GRM5: variants seen among roughly 807,000 people sequenced by gnomAD.
The protein encoded by GRM5 is metabotropic glutamate receptor 5.
GRM5 carries 19 observed loss-of-function variants against 83.1 expected under a neutral mutation model. The ratio of observed to expected loss-of-function variants is 0.23; its 90% CI spans 0.16 to 0.34. The LOEUF (loss-of-function observed/expected upper bound fraction) is 0.34. Among genes scored for constraint, GRM5 ranks in the 10% least tolerant of loss-of-function variants. The probability of loss-of-function intolerance (pLI) is 1.00; values close to 1 mark genes in which losing one functional copy is unlikely to be tolerated. For missense variants in GRM5, 1,160 were observed against 1,588.3 expected, an observed-to-expected ratio of 0.73 and a Z score of 4.58; for synonymous variants, 675 against 633.6, an observed-to-expected ratio of 1.07 and a Z score of -0.98.
chr11:88,580,050 G>A (rs939783195), intron 7 of GRM5, among the ~76,000 whole-genome samples: 5 of 152,196 alleles, frequency 3.3e-5, no homozygotes, highest in South Asian at 2.1e-4. Flanking sequence ...TGTGCAAGAC[G>A]TCAGTAGATT....
At chr11:88,751,072 C>CAAAAAAA (rs774458890) in intron 3 of GRM5, among the ~76,000 whole-genome samples, 13 of 47,344 alleles carry the variant, frequency 2.7e-4, no homozygotes, top group African/African-American at 9.2e-4. Flanking sequence ...TAGCAGAAGC[C>CAAAAAAA]AAAAAAAAAA....
chr11:88,842,530 A>G lies in GRM5; in HGVS notation c.911+7376T>C, dbSNP rs184033333. On this transcript the variant is annotated intron_variant, in intron 3 of 9. Transcript: ENST00000305447. ...CAATTCTCTCCACCTCAATAAATCCAAATGGCCATTTCAGTGTTATTTTCA... is the reference window on the plus strand; with the variant it reads ...CAATTCTCTCCACCTCAATAAATCCGAATGGCCATTTCAGTGTTATTTTCA... Among the ~76,000 whole-genome samples the G allele has an allele frequency of 1.3e-3, 196 of 152,264 alleles. 1 individual carries two copies. The highest frequency in any genetic ancestry group is 4.5e-3 in the African/African-American group (189 of 41,552).
At chr11:88,660,192 T>G (rs1273105853) in intron 3 of GRM5, among the ~76,000 whole-genome samples, 3 of 152,212 alleles carry the variant, frequency 2.0e-5, no homozygotes, top group African/African-American at 7.2e-5. Context: ...TTCCCTTTCC[T>G]TTTTACTCAA....
intron 2 of GRM5, among the ~76,000 whole-genome samples, chr11:88,867,106 T>C (rs117002968): frequency 0.018 from 2,773 of 152,246 alleles, 44 homozygotes; most frequent in East Asian, 0.068. Context: ...TTGGTTACTG[T>C]AGCCTTGTCG....
intron 2 of GRM5, among the ~76,000 whole-genome samples, chr11:88,887,490 C>G (rs1945063088): frequency 6.6e-6 from 1 of 152,036 alleles, no homozygotes; most frequent in Non-Finnish European, 1.5e-5. Flanking sequence ...AGGCAGAGGA[C>G]AGAGGACTAG....
At chr11:89,063,074 C>G (rs1338853230) in intron 1 of GRM5, among the ~76,000 whole-genome samples, 1 of 152,248 alleles carries the variant, frequency 6.6e-6, no homozygotes, top group Non-Finnish European at 1.5e-5. Flanking sequence ...CGAAGCGGCC[C>G]CTAACAGATC....
chr11:88,906,046 C>T (rs996541025), intron 2 of GRM5, among the ~76,000 whole-genome samples: 2 of 152,126 alleles, frequency 1.3e-5, no homozygotes, highest in Non-Finnish European at 2.9e-5. Flanking sequence ...CTTAAATTTA[C>T]TTAGTGTATA....
intron 2 of GRM5, among the ~76,000 whole-genome samples, chr11:88,879,840 C>T (rs1203983836): frequency 6.6e-6 from 1 of 152,008 alleles, no homozygotes; most frequent in Non-Finnish European, 1.5e-5. Flanking sequence ...AATCACAGCT[C>T]TTTCTTTGCA....
At chr11:88,913,831 C>T (rs190653174) in intron 2 of GRM5, among the ~76,000 whole-genome samples, 3 of 152,208 alleles carry the variant, frequency 2.0e-5, no homozygotes, top group East Asian at 3.9e-4. Context: ...AAGTGTTTTA[C>T]ATACCTCGGC....
At chr11:88,594,865 G>A (rs1432121352) in intron 6 of GRM5, among the ~76,000 whole-genome samples, 1 of 152,106 alleles carries the variant, frequency 6.6e-6, no homozygotes, top group Non-Finnish European at 1.5e-5. Flanking sequence ...AATGTGGTGT[G>A]GTAGTGCTTC....
intron 3 of GRM5, among the ~76,000 whole-genome samples, chr11:88,733,330 G>A (rs549299281): frequency 5.8e-4 from 88 of 152,024 alleles, no homozygotes; most frequent in Non-Finnish European, 9.7e-4. Context: ...TGTTTGGGAA[G>A]GTTCTGGAAA....
chr11:89,018,510 TA>T (rs1191061895), intron 2 of GRM5, among the ~76,000 whole-genome samples: 1 of 152,252 alleles, frequency 6.6e-6, no homozygotes, highest in Non-Finnish European at 1.5e-5. Flanking sequence ...ATTTATTCAA[TA>T]TTTTTAAAAA....
intron 3 of GRM5, among the ~76,000 whole-genome samples, chr11:88,819,619 T>A (rs951945150): frequency 6.6e-6 from 1 of 152,238 alleles, no homozygotes; most frequent in Non-Finnish European, 1.5e-5. Flanking sequence ...ATAAGTTTAC[T>A]TTTTCTTAAA....
intron 3 of GRM5, among the ~76,000 whole-genome samples, chr11:88,699,524 A>T (rs1189849020): frequency 1.3e-5 from 2 of 152,134 alleles, no homozygotes; most frequent in Non-Finnish European, 2.9e-5. Flanking sequence ...CCTCTCCATC[A>T]TCTTCATCTA....
At chr11:88,989,940 C>T (rs557719859) in intron 2 of GRM5, among the ~76,000 whole-genome samples, 2 of 151,506 alleles carry the variant, frequency 1.3e-5, no homozygotes, top group East Asian at 1.9e-4. Context: ...CCTAACATCA[C>T]AATTAAAAGA....
At chr11:88,717,801 TG>T (rs1454255222) in intron 3 of GRM5, among the ~76,000 whole-genome samples, 1 of 151,804 alleles carries the variant, frequency 6.6e-6, no homozygotes, top group Non-Finnish European at 1.5e-5. Flanking sequence ...ACTAAATGGT[TG>T]AATTATATGT....
At chr11:88,796,897 CACGTGTGTGT>C (rs1193466081) in intron 3 of GRM5, among the ~76,000 whole-genome samples, 3 of 65,176 alleles carry the variant, frequency 4.6e-5, no homozygotes, top group African/African-American at 5.3e-5. Context: ...CACACACACA[CACGTGTGTGT>C]GTGTGTGTGT....
At chr11:88,897,908 G>T (rs1372250837) in intron 2 of GRM5, among the ~76,000 whole-genome samples, 1 of 151,994 alleles carries the variant, frequency 6.6e-6, no homozygotes, top group Non-Finnish European at 1.5e-5. Context: ...GGATGATTGT[G>T]CATCACTACT....
At chr11:88,871,097 G>A (rs957968257) in intron 2 of GRM5, among the ~76,000 whole-genome samples, 3 of 151,636 alleles carry the variant, frequency 2.0e-5, no homozygotes, top group South Asian at 2.1e-4. Flanking sequence ...TTGAAAAAAT[G>A]TATCAATGAC....
Sources: allele counts gnomAD v4.1 joint callset (sites outside exome capture counted in the v4.1 genomes callset), GRCh38; gene constraint gnomAD v4.1.1; transcripts MANE v1.5; gene names NCBI Gene and HGNC (gene_info 2026-07-23, HGNC 2026-07-21).